Variants in LRRC4C observed in about 807,000 individuals in gnomAD.
LRRC4C encodes leucine rich repeat containing 4C, also known as leucine-rich repeat-containing protein 4C.
A neutral mutation model predicts 33.6 loss-of-function variants in LRRC4C; 5 were observed. That is an observed-to-expected ratio of 0.15 (90% CI 0.08 to 0.31). LRRC4C has a LOEUF of 0.31. Ranked by LOEUF, LRRC4C falls within the 10% of genes least tolerant of loss-of-function variation. LRRC4C has a pLI of 1.00. For missense variants in LRRC4C, 560 were observed against 796.7 expected, an observed-to-expected ratio of 0.70 and a Z score of 3.58; for synonymous variants, 329 against 302.0, an observed-to-expected ratio of 1.09 and a Z score of -0.93.
chr11:41,033,928 T>TCTATG (rs1195009945), intron 1 of LRRC4C, among the ~76,000 whole-genome samples: 1 of 152,096 alleles, frequency 6.6e-6, no homozygotes, highest in African/African-American at 2.4e-5. Flanking sequence ...CATTTTAGAA[T>TCTATG]CTATGATTTT....
At position 40,116,178 on chromosome 11, in the gene LRRC4C, C is replaced by T; in HGVS notation, c.115G>A (p.Ala39Thr). 6.2e-7 allele frequency: 1 copy of T among 1,613,938 alleles called. No homozygotes were observed. The highest frequency in any genetic ancestry group is 1.3e-5 in the African/African-American group (1 of 75,016). ...CAGGTCTGAGCCCGCACCAGACCAG[C>T]CACCACAAGAAGTTGAAGAGCCAGC... ...VLLALQLLVV[A>T]GLVRAQTCPS... The change falls in exon 7 of 7, where the codon GCT becomes ACT. Residue 39 changes from alanine (A) to threonine (T), a missense_variant. Physicochemically the swap from Ala to Thr is moderately conservative, Grantham distance 58. This residue lies in a region of LRRC4C where 455 missense variants were observed against 643.8 expected (regional missense o/e 0.71). Transcript: ENST00000528697.
At chr11:40,750,972 T>G (rs1591626307) in intron 2 of LRRC4C, among the ~76,000 whole-genome samples, 1 of 151,930 alleles carries the variant, frequency 6.6e-6, no homozygotes, top group East Asian at 1.9e-4. Flanking sequence ...TGTATGCAAA[T>G]CAATATATGT....
At position 40,630,410 on chromosome 11, in the gene LRRC4C, CTCT is replaced by C. The variant is rs199975280; in HGVS notation, c.-270+17729_-270+17731del. ...TCTTCTTTTCTTCCTCTTCCTATTC[CTCT>C]TCTTCTTCTTTTTTTTTTTTGATAG... On this transcript the variant is annotated intron_variant, in intron 3 of 6. Transcript: ENST00000528697. Among the ~76,000 whole-genome samples the C allele has an allele frequency of 9.0e-4, 93 of 103,902 alleles. 7 individuals carry two copies. Among genetic ancestry groups the C allele is most frequent in the Middle Eastern group, 5.5e-3 (1 of 182 alleles). The allele number at this position is 103,902 out of a possible 152,430, so 68.2% of individuals were successfully genotyped here.
intron 2 of LRRC4C, among the ~76,000 whole-genome samples, chr11:40,706,282 C>T (rs1361079183): frequency 6.6e-6 from 1 of 152,154 alleles, no homozygotes; most frequent in East Asian, 1.9e-4. Context: ...GAAGTCCTTG[C>T]CCATGCCTAT....
chr11:40,267,443 C>T (rs1942357053), intron 4 of LRRC4C, among the ~76,000 whole-genome samples: 1 of 152,144 alleles, frequency 6.6e-6, no homozygotes, highest in South Asian at 2.1e-4. Flanking sequence ...GCTCTGCCTC[C>T]CTGGTTCACG....
At chr11:40,332,132 A>G (rs1285357608) in intron 3 of LRRC4C, among the ~76,000 whole-genome samples, 1 of 152,214 alleles carries the variant, frequency 6.6e-6, no homozygotes, top group African/African-American at 2.4e-5. Context: ...CGGCCATAAC[A>G]AAGTGTCACA....
chr11:41,316,294 CAT>C (rs781639882), intron 1 of LRRC4C, among the ~76,000 whole-genome samples: 1 of 87,828 alleles, frequency 1.1e-5, no homozygotes, highest in Non-Finnish European at 2.4e-5. Context: ...AAAAAACAAA[CAT>C]GAGCAGAAAT....
chr11:40,342,505 TA>T (rs1946915971), intron 3 of LRRC4C, among the ~76,000 whole-genome samples: 1 of 151,870 alleles, frequency 6.6e-6, no homozygotes, highest in South Asian at 2.1e-4. Flanking sequence ...AGAAAAGGCT[TA>T]TATCTCATAA....
At chr11:41,076,065 C>T (rs1188219307) in intron 1 of LRRC4C, among the ~76,000 whole-genome samples, 1 of 152,164 alleles carries the variant, frequency 6.6e-6, no homozygotes, top group African/African-American at 2.4e-5. Flanking sequence ...TCTCTTTCCT[C>T]TCTTTACTCA....
chr11:40,352,742 T>C (rs543138680), intron 3 of LRRC4C, among the ~76,000 whole-genome samples: 1 of 152,260 alleles, frequency 6.6e-6, no homozygotes, highest in East Asian at 1.9e-4. Flanking sequence ...AGAACTCCCT[T>C]TAGCATTTCT....
At chr11:40,285,468 G>A (rs761438884) in intron 4 of LRRC4C, among the ~76,000 whole-genome samples, 1 of 152,130 alleles carries the variant, frequency 6.6e-6, no homozygotes, top group Admixed American at 6.5e-5. Flanking sequence ...ACAGCACATC[G>A]TATCTAAACT....
intron 1 of LRRC4C, among the ~76,000 whole-genome samples, chr11:41,080,264 T>A (rs1939465974): frequency 6.6e-6 from 1 of 151,976 alleles, no homozygotes; most frequent in African/African-American, 2.4e-5. Context: ...GAAGTGATAG[T>A]GTTTGCACTA....
chr11:40,574,806 T>G (rs1958121038), intron 3 of LRRC4C, among the ~76,000 whole-genome samples: 1 of 152,166 alleles, frequency 6.6e-6, no homozygotes, highest in African/African-American at 2.4e-5. Flanking sequence ...TCATTCAATT[T>G]CTTTCCACAT....
At chr11:40,762,318 A>G (rs897481632) in intron 2 of LRRC4C, among the ~76,000 whole-genome samples, 1 of 152,162 alleles carries the variant, frequency 6.6e-6, no homozygotes, top group African/African-American at 2.4e-5. Flanking sequence ...TCACTTAGCA[A>G]ATGTGGGTCA....
intron 3 of LRRC4C, among the ~76,000 whole-genome samples, chr11:40,626,477 G>T (rs1019775936): frequency 2.0e-5 from 3 of 151,996 alleles, no homozygotes; most frequent in African/African-American, 7.3e-5. Flanking sequence ...ACCTATAAAT[G>T]TGCTTCACAT....
chr11:40,725,855 GC>G (rs1324291977), intron 2 of LRRC4C, among the ~76,000 whole-genome samples: 2 of 152,166 alleles, frequency 1.3e-5, no homozygotes, highest in Admixed American at 1.3e-4. Context: ...TGAGCTGCAA[GC>G]CTATTACATC....
At chr11:41,198,350 A>T (rs1946267532) in intron 1 of LRRC4C, among the ~76,000 whole-genome samples, 1 of 152,060 alleles carries the variant, frequency 6.6e-6, no homozygotes, top group South Asian at 2.1e-4. Flanking sequence ...TAGATTAAAA[A>T]CATAATTCTA....
At position 40,147,283 on chromosome 11, in the gene LRRC4C, A is replaced by G. The variant is rs188362481; in HGVS notation, c.-95-6430T>C. Among the ~76,000 whole-genome samples, 40 of 152,272 alleles carry G rather than the reference A, an allele frequency of 2.6e-4. 1 individual carries two copies. Among genetic ancestry groups the G allele is most frequent in the Admixed American group, 2.2e-3 (33 of 15,298 alleles). On this transcript the variant is annotated intron_variant, in intron 5 of 6. Transcript: ENST00000528697. ...CTTCAAAAGTTCTACTCTGTACCCT[A>G]TACGACTTTGGGAAATTTTTCCAGT...
intron 2 of LRRC4C, among the ~76,000 whole-genome samples, chr11:40,755,435 G>C (rs945997739): frequency 1.3e-5 from 2 of 152,078 alleles, no homozygotes; most frequent in African/African-American, 4.8e-5. Context: ...CAAACACTGG[G>C]AAGTCTAGTG....
Sources: allele counts gnomAD v4.1 joint callset (sites outside exome capture counted in the v4.1 genomes callset), GRCh38; gene constraint gnomAD v4.1.1; regional missense constraint gnomAD v4.1.1; transcripts MANE v1.5; gene names NCBI Gene and HGNC (gene_info 2026-07-23, HGNC 2026-07-21).